The following ZNF704 variants were observed in gnomAD, a reference collection of about 807,000 sequenced individuals.
ZNF704 encodes the protein glucocorticoid induced gene 1.
In ZNF704, 10 loss-of-function variants were observed where a neutral mutation model predicts 44.7. That is an observed-to-expected ratio of 0.22 (90% confidence interval 0.14 to 0.38). The LOEUF is 0.38. Among genes scored for constraint, ZNF704 ranks in the 10% least tolerant of loss-of-function variants. The probability of loss-of-function intolerance (pLI) is 1.00; values close to 1 mark genes in which losing one functional copy is unlikely to be tolerated. For missense variants in ZNF704, 390 were observed against 545.5 expected (o/e 0.71, Z 2.84); for synonymous variants, 211 against 207.6 (o/e 1.02, Z -0.14).
chr8:80,764,420 A>C (rs1197365616), intron 2 of ZNF704, among the ~76,000 whole-genome samples: 3 of 152,196 alleles, frequency 2.0e-5, no homozygotes, highest in Non-Finnish European at 4.4e-5. Context: ...TAAAACCATC[A>C]GATCTCATGA....
At chr8:80,653,206 A>T (rs1021163106) in intron 7 of ZNF704, among the ~76,000 whole-genome samples, 49 of 152,350 alleles carry the variant, frequency 3.2e-4, no homozygotes, top group African/African-American at 1.1e-3. Context: ...ACCCATAGCC[A>T]ATATCATACT....
intron 2 of ZNF704, among the ~76,000 whole-genome samples, chr8:80,818,168 C>T (rs946133798): frequency 6.6e-6 from 1 of 151,998 alleles, no homozygotes. Context: ...TTTCATTTTA[C>T]AAACCAGAGA....
intron 2 of ZNF704, among the ~76,000 whole-genome samples, chr8:80,759,797 C>A (rs1199166975): frequency 1.3e-5 from 2 of 151,726 alleles, no homozygotes; most frequent in Admixed American, 1.3e-4. Flanking sequence ...GCTCTGTTTC[C>A]CAGACTGGAG....
rs73273078 is a variant in ZNF704 at position 80,716,657 on chromosome 8, C to A, written c.222-23550G>T. Among the ~76,000 whole-genome samples, 717 of 152,278 alleles carry A rather than the reference C, an allele frequency of 4.7e-3. 5 individuals carry two copies. The highest frequency in any genetic ancestry group is 0.016 in the African/African-American group (658 of 41,560). ...GAAAACTTCTAATACATGTTAAGTC[C>A]TTTAAACTGTTTTTGTTCATAACTT... On this transcript the variant is annotated intron_variant, in intron 2 of 8. Coordinates refer to ENST00000327835, the MANE Select transcript of ZNF704 (RefSeq NM_001033723.3).
intron 2 of ZNF704, among the ~76,000 whole-genome samples, chr8:80,798,913 G>C (rs983905612): frequency 1.3e-5 from 2 of 152,176 alleles, no homozygotes; most frequent in Admixed American, 6.5e-5. Flanking sequence ...ATCTGGTGAG[G>C]GCTTTCTTGC....
chr8:80,842,330 A>T (rs1432052915), intron 1 of ZNF704, among the ~76,000 whole-genome samples: 2 of 152,190 alleles, frequency 1.3e-5, no homozygotes, highest in African/African-American at 4.8e-5. Context: ...GGAAATACCT[A>T]GTAAAGTAAC....
intron 2 of ZNF704, among the ~76,000 whole-genome samples, chr8:80,797,254 C>T (rs76197365): frequency 0.04 from 6,071 of 152,194 alleles, 380 homozygotes; most frequent in African/African-American, 0.14. Context: ...GTTCTGGGGT[C>T]TTGGTGTTGG....
chr8:80,832,634 TGCTTTCTGGG>T (rs1808489490), intron 1 of ZNF704, among the ~76,000 whole-genome samples: 2 of 152,170 alleles, frequency 1.3e-5, no homozygotes, highest in South Asian at 4.1e-4. Flanking sequence ...ACAACCCATT[TGCTTTCTGGG>T]GCTTTCTGGA....
At chr8:80,715,997 T>C (rs1261253894) in intron 2 of ZNF704, among the ~76,000 whole-genome samples, 2 of 151,982 alleles carry the variant, frequency 1.3e-5, no homozygotes, top group Non-Finnish European at 2.9e-5. Flanking sequence ...CAAGAATCAC[T>C]TGAACCTGGG....
chr8:80,872,939 T>A (rs956634995), intron 1 of ZNF704, among the ~76,000 whole-genome samples: 1 of 152,020 alleles, frequency 6.6e-6, no homozygotes, highest in Admixed American at 6.6e-5. Context: ...CGAGGGTCAA[T>A]GCCAAAAACT....
At chr8:80,797,901 CTTCT>C (rs910983647) in intron 2 of ZNF704, among the ~76,000 whole-genome samples, 3 of 152,088 alleles carry the variant, frequency 2.0e-5, no homozygotes, top group African/African-American at 7.2e-5. Context: ...TTCTGCTTTG[CTTCT>C]TTCTTGATTA....
intron 1 of ZNF704, among the ~76,000 whole-genome samples, chr8:80,864,986 TCA>T (rs1042506007): frequency 7.9e-5 from 12 of 152,116 alleles, no homozygotes; most frequent in Non-Finnish European, 1.2e-4. Flanking sequence ...GATAAATGAC[TCA>T]CAGCTTCCTG....
At chr8:80,846,330 C>T (rs1808766445) in intron 1 of ZNF704, among the ~76,000 whole-genome samples, 1 of 151,950 alleles carries the variant, frequency 6.6e-6, no homozygotes, top group Non-Finnish European at 1.5e-5. Context: ...GATATTTTAT[C>T]TTAGAGGGTA....
At chr8:80,831,545 T>C (rs996216819) in intron 1 of ZNF704, among the ~76,000 whole-genome samples, 5 of 152,192 alleles carry the variant, frequency 3.3e-5, no homozygotes, top group African/African-American at 1.2e-4. Context: ...CTCTATGCTA[T>C]AGGTCCTAAG....
In ZNF704 at chr8:80,821,349, CAT is replaced by C. The variant is rs111360050; in HGVS notation, c.221+23_221+24del. 6.2e-4 allele frequency: 1,003 copies of C among 1,607,318 alleles called. 6 individuals are homozygous for C. In the African/African-American group the frequency reaches 0.012, roughly 20 times the overall value. ...CTCCACCAACTTCCTGGGGCAGACA[CAT>C]GTGAGATTTAATGTTCCCTTACCTT... On this transcript the variant is annotated intron_variant, in intron 2 of 8. Transcript: ENST00000327835.
chr8:80,807,542 A>G (rs1303661451), intron 2 of ZNF704, among the ~76,000 whole-genome samples: 1 of 152,160 alleles, frequency 6.6e-6, no homozygotes, highest in Non-Finnish European at 1.5e-5. Flanking sequence ...CCCCCCCCAA[A>G]AAAAAGTTAA....
chr8:80,850,111 C>T (rs1028531717), intron 1 of ZNF704, among the ~76,000 whole-genome samples: 3 of 152,152 alleles, frequency 2.0e-5, no homozygotes, highest in Admixed American at 6.5e-5. Flanking sequence ...ACTTTTCCTA[C>T]ATGTACTGGA....
In ZNF704 at chr8:80,633,332, TAC is replaced by T. The variant is rs1163403451; in HGVS notation, c.*8032_*8033del. 1 of 152,218 alleles carries T rather than the reference TAC, an allele frequency of 6.6e-6. No homozygotes were observed. Among genetic ancestry groups the T allele is most frequent in the Admixed American group, 6.5e-5 (1 of 15,286 alleles). 9.4% of individuals were successfully genotyped at this position (152,218 alleles called of 1,614,324 possible). On this transcript the variant is annotated 3_prime_UTR_variant, in exon 9 of 9. Coordinates refer to ENST00000327835, the MANE Select transcript of ZNF704 (RefSeq NM_001033723.3). Reference sequence around the variant, plus strand: ...AGAGTCAAAACTTTTACTCAGAACATACATTTAGCTAATAAACTCCTATAATT... The same window carrying T: ...AGAGTCAAAACTTTTACTCAGAACATATTTAGCTAATAAACTCCTATAATT...
At chr8:80,706,100 G>C (rs1818893439) in intron 2 of ZNF704, among the ~76,000 whole-genome samples, 1 of 152,178 alleles carries the variant, frequency 6.6e-6, no homozygotes, top group African/African-American at 2.4e-5. Flanking sequence ...TTATTCTCAA[G>C]AAGAAAACTA....
Sources: allele counts gnomAD v4.1 joint callset (sites outside exome capture counted in the v4.1 genomes callset), GRCh38; gene constraint gnomAD v4.1.1; transcripts MANE v1.5; gene names NCBI Gene and HGNC (gene_info 2026-07-23, HGNC 2026-07-21).